Variants in TMPRSS9 observed in about 807,000 individuals in gnomAD.
TMPRSS9 encodes the protein transmembrane protease serine 9.
TMPRSS9 carries 113 observed loss-of-function variants against 111.4 expected under a neutral mutation model. The observed-to-expected ratio is 1.01, with a 90% CI of 0.87 to 1.19. The LOEUF (loss-of-function observed/expected upper bound fraction) is 1.19, where lower values mean the gene tolerates loss of function less well. TMPRSS9 is among the 50% of genes most tolerant of loss of function. TMPRSS9 has a pLI of 0.00. For missense variants in TMPRSS9, 1,803 were observed against 1,513.1 expected, an observed-to-expected ratio of 1.19 and a Z score of -3.18; for synonymous variants, 805 against 659.1, an observed-to-expected ratio of 1.22 and a Z score of -3.39.
Position 2,416,526 on chromosome 19 carries a change from C to A in TMPRSS9, c.1746-12C>A, listed in dbSNP as rs773595634. The A allele has an allele frequency of 2.5e-6, 4 of 1,598,542 alleles. No individual in the cohort carries two copies. In the South Asian group the frequency reaches 3.3e-5, roughly 13 times the overall value. ...TGGAGGGCAGGCATGTCTGAGGGCC[C>A]TGTCTCCATAGCACGAAGGTGGAGC... On this transcript the variant is annotated splice_polypyrimidine_tract_variant and intron_variant, in intron 11 of 17. Transcript: ENST00000648592.
chr19:2,396,503 G>A (rs1018822417), intron 1 of TMPRSS9, 36 bp from the exon 3 acceptor site: 2 of 1,559,802 alleles, frequency 1.3e-6, no homozygotes, highest in African/African-American at 2.7e-5. Flanking sequence ...AGCCCCCAAA[G>A]GTGGGCTCTC....
chr19:2,407,618 T>C (rs371559915), intron 7 of TMPRSS9, among the ~76,000 whole-genome samples: 1,780 of 81,058 alleles, frequency 0.022, 25 homozygotes, highest in African/African-American at 0.074. Flanking sequence ...CTTTTTTTTT[T>C]TTTTTTTTTT....
intron 8 of TMPRSS9, among the ~76,000 whole-genome samples, chr19:2,409,797 G>A (rs1200091095): frequency 6.6e-5 from 10 of 152,036 alleles, no homozygotes; most frequent in South Asian, 2.1e-4. Flanking sequence ...GCTGGCTGCC[G>A]GGTTGGGAAT....
chr19:2,401,072 A>T (rs1309138569), intron 4 of TMPRSS9, among the ~76,000 whole-genome samples: 1 of 150,442 alleles, frequency 6.6e-6, no homozygotes, highest in Non-Finnish European at 1.5e-5. Flanking sequence ...CAGGAGATCG[A>T]GACCATCCTG....
chr19:2,375,054 C>T (rs1301414757), intron 1 of TMPRSS9, among the ~76,000 whole-genome samples: 1 of 152,154 alleles, frequency 6.6e-6, no homozygotes, highest in African/African-American at 2.4e-5. Context: ...CTGGTGGAGA[C>T]TCCTGCCTCC....
chr19:2,413,458 G>T (rs1191453202), intron 9 of TMPRSS9, among the ~76,000 whole-genome samples: 1 of 152,194 alleles, frequency 6.6e-6, no homozygotes, highest in Non-Finnish European at 1.5e-5. Flanking sequence ...TGGCCTGCCA[G>T]AGGTAGGACT....
intron 1 of TMPRSS9, 96 bp from the exon 3 acceptor site, chr19:2,396,443 G>C: frequency 7.1e-7 from 1 of 1,415,544 alleles, no homozygotes; most frequent in South Asian, 1.4e-5. Context: ...CCACCAGGGT[G>C]TGTGAGTGCA....
chr19:2,386,259 A>G (rs151164327), upstream of TMPRSS9, among the ~76,000 whole-genome samples: 8,930 of 152,172 alleles, frequency 0.059, 875 homozygotes, highest in African/African-American at 0.2. Flanking sequence ...TAATCCCAGC[A>G]TTTTGGGAGG....
chr19:2,390,033 G>T, intron 1 of TMPRSS9, 106 bp downstream of exon 2: 1 of 1,434,722 alleles, frequency 7.0e-7, no homozygotes, highest in East Asian at 2.3e-5. Flanking sequence ...TCAAAGGGCA[G>T]TGTCTAGGCG....
intron 15 of TMPRSS9, 22 bp from the exon 17 acceptor site, chr19:2,424,980 C>G: frequency 2.0e-6 from 3 of 1,489,350 alleles, no homozygotes; most frequent in East Asian, 2.7e-5. Context: ...CGGGCCGACG[C>G]CTGTCCTCGC....
chr19:2,380,739 A>G (rs1320849231), intron 1 of TMPRSS9, among the ~76,000 whole-genome samples: 2 of 152,164 alleles, frequency 1.3e-5, no homozygotes, highest in African/African-American at 4.8e-5. Flanking sequence ...GACCCCAGGA[A>G]GTGAGGAGGT....
intron 5 of TMPRSS9, among the ~76,000 whole-genome samples, 194 bp downstream of exon 6, chr19:2,402,210 G>C (rs11882712): frequency 1.3e-4 from 19 of 150,108 alleles, no homozygotes; most frequent in Non-Finnish European, 8.9e-5. Flanking sequence ...CTGGACAACA[G>C]AGCGAGACCC....
intron 1 of TMPRSS9, among the ~76,000 whole-genome samples, chr19:2,375,352 T>A (rs1314595921): frequency 6.6e-6 from 1 of 152,128 alleles, no homozygotes; most frequent in Admixed American, 6.6e-5. Context: ...GGTCCATCAC[T>A]GATGGGGATG....
At chr19:2,363,165 C>T (rs1970215740) in intron 1 of TMPRSS9, among the ~76,000 whole-genome samples, 1 of 152,188 alleles carries the variant, frequency 6.6e-6, no homozygotes, top group African/African-American at 2.4e-5. Flanking sequence ...CCATGTGGCC[C>T]ACTGCGCGCT....
chr19:2,393,570 A>G (rs1970644466), intron 1 of TMPRSS9, among the ~76,000 whole-genome samples: 1 of 152,120 alleles, frequency 6.6e-6, no homozygotes, highest in Non-Finnish European at 1.5e-5. Context: ...CGGACACAGT[A>G]ACATGGGGAA....
chr19:2,389,028 G>A (rs112205151), upstream of TMPRSS9, among the ~76,000 whole-genome samples: 8 of 151,710 alleles, frequency 5.3e-5, no homozygotes, highest in African/African-American at 1.7e-4. Flanking sequence ...AGCGACCCAC[G>A]GGAGTCCTCA....
intron 8 of TMPRSS9, among the ~76,000 whole-genome samples, chr19:2,409,871 C>A (rs1971058248): frequency 6.6e-6 from 1 of 151,834 alleles, no homozygotes; most frequent in Non-Finnish European, 1.5e-5. Context: ...ATGACCCGGG[C>A]AAGGATGGGC....
intron 13 of TMPRSS9, among the ~76,000 whole-genome samples, chr19:2,419,603 G>T (rs1359526084): frequency 6.6e-6 from 1 of 151,162 alleles, no homozygotes; most frequent in East Asian, 1.9e-4. Flanking sequence ...TGCAACCTCT[G>T]CCTCCTGGGT....
intron 15 of TMPRSS9, 31 bp downstream of exon 16, chr19:2,424,288 AT>A (rs778065202): frequency 2.3e-6 from 3 of 1,328,896 alleles, no homozygotes; most frequent in Non-Finnish European, 2.9e-6. Context: ...ATGCCCCTAC[AT>A]GTCTCTGTAG....
Sources: gnomAD v4.1 joint callset for allele counts (sites outside exome capture counted in the v4.1 genomes callset) on GRCh38, gnomAD v4.1.1 for gene constraint, MANE v1.5 for transcripts, NCBI Gene and HGNC (gene_info 2026-07-23, HGNC 2026-07-21) for gene names.